The following MAP4K3 variants were observed in gnomAD, a reference collection of about 807,000 sequenced individuals.
The protein encoded by MAP4K3 is MAPK/ERK kinase kinase kinase 3.
Under a neutral mutation model 143.5 loss-of-function variants are expected in MAP4K3, and 94 were observed. That is an observed-to-expected ratio of 0.65 (90% confidence interval 0.55 to 0.78). The LOEUF (loss-of-function observed/expected upper bound fraction) is 0.78. MAP4K3 is among the 30% of genes least tolerant of loss of function. The pLI, the probability that MAP4K3 is intolerant of heterozygous loss-of-function variation, is 0.00. For synonymous variants in MAP4K3, 416 were observed against 347.2 expected (o/e 1.20, Z -2.20); for missense variants, 1,077 against 1,068.1 (o/e 1.01, Z -0.12).
intron 21 of MAP4K3, 69 bp from the exon 22 acceptor site, chr2:39,282,623 A>C: frequency 9.8e-7 from 1 of 1,020,412 alleles, no homozygotes; most frequent in Non-Finnish European, 1.5e-6. Context: ...CTGTATTTCA[A>C]ACACATTTAT....
intron 1 of MAP4K3, among the ~76,000 whole-genome samples, chr2:39,394,596 C>T (rs532214094): frequency 3.3e-4 from 50 of 152,200 alleles, no homozygotes; most frequent in African/African-American, 1.2e-3. Context: ...CCATTCCTCT[C>T]CACAGAGACG....
At chr2:39,371,087 A>G (rs2148571779) in intron 2 of MAP4K3, among the ~76,000 whole-genome samples, 1 of 152,354 alleles carries the variant, frequency 6.6e-6, no homozygotes, top group South Asian at 2.1e-4. Flanking sequence ...GACCACAGGA[A>G]CAAACCCGTC....
chr2:39,275,024 C>G, intron 24 of MAP4K3, among the ~76,000 whole-genome samples: 1 of 152,184 alleles, frequency 6.6e-6, no homozygotes, highest in Non-Finnish European at 1.5e-5. Context: ...TCAGGCTCCA[C>G]ATATACTAAT....
At chr2:39,313,586 A>G (rs1683015076) in intron 13 of MAP4K3, among the ~76,000 whole-genome samples, 1 of 151,866 alleles carries the variant, frequency 6.6e-6, no homozygotes, top group Non-Finnish European at 1.5e-5. Context: ...ATCTCAGCTC[A>G]CTGCAGCCCT....
chr2:39,252,886 A>G (rs1399944611), intron 32 of MAP4K3, among the ~76,000 whole-genome samples: 1 of 152,196 alleles, frequency 6.6e-6, no homozygotes, highest in Non-Finnish European at 1.5e-5. Context: ...GGGTTTGCCT[A>G]CTAGAAGAAG....
chr2:39,378,729 T>A (rs1309473138), intron 1 of MAP4K3, among the ~76,000 whole-genome samples: 1 of 152,046 alleles, frequency 6.6e-6, no homozygotes, highest in Non-Finnish European at 1.5e-5. Flanking sequence ...GATGGTACAG[T>A]CAAATACATG....
intron 15 of MAP4K3, among the ~76,000 whole-genome samples, chr2:39,303,654 T>C (rs1030002338): frequency 1.3e-5 from 2 of 152,178 alleles, no homozygotes; most frequent in African/African-American, 4.8e-5. Context: ...TTCTCCTGCC[T>C]CAGCCTTCCA....
At chr2:39,345,686 G>C (rs373484279) in intron 3 of MAP4K3, among the ~76,000 whole-genome samples, 1 of 152,008 alleles carries the variant, frequency 6.6e-6, no homozygotes, top group South Asian at 2.1e-4. Flanking sequence ...TTGGGAGGCC[G>C]AGGCGGGCGG....
intron 18 of MAP4K3, among the ~76,000 whole-genome samples, chr2:39,291,888 A>G (rs1573104902): frequency 6.6e-6 from 1 of 152,178 alleles, no homozygotes; most frequent in South Asian, 2.1e-4. Flanking sequence ...CAAAAGAAAG[A>G]AAGAAAAAAT....
intron 3 of MAP4K3, among the ~76,000 whole-genome samples, chr2:39,346,617 C>T (rs948870155): frequency 4.6e-5 from 7 of 152,156 alleles, no homozygotes; most frequent in East Asian, 1.9e-4. Flanking sequence ...TCCACTCCTG[C>T]TCCCAACCCC....
At chr2:39,289,622 G>C (rs1486201056) in intron 19 of MAP4K3, among the ~76,000 whole-genome samples, 1 of 152,168 alleles carries the variant, frequency 6.6e-6, no homozygotes, top group African/African-American at 2.4e-5. Flanking sequence ...AAATATCTAT[G>C]ATGATAAATT....
intron 15 of MAP4K3, chr2:39,303,210 T>C (rs566021627): frequency 6.0e-6 from 1 of 166,850 alleles, no homozygotes; most frequent in Non-Finnish European, 1.5e-5. Flanking sequence ...AATGAGAAAA[T>C]TATGGCACAA....
intron 1 of MAP4K3, among the ~76,000 whole-genome samples, chr2:39,411,835 A>C (rs545925765): frequency 6.6e-6 from 1 of 152,210 alleles, no homozygotes; most frequent in Non-Finnish European, 1.5e-5. Context: ...TAATGGCTAC[A>C]TATCTACATG....
chr2:39,371,700 C>T (rs531180696), intron 2 of MAP4K3, among the ~76,000 whole-genome samples: 85 of 151,662 alleles, frequency 5.6e-4, no homozygotes, highest in African/African-American at 1.8e-3. Flanking sequence ...AGATATTCCA[C>T]GCCAATGGAA....
At position 39,282,268 on chromosome 2, in the gene MAP4K3, T is replaced by C. The variant is rs535610940; in HGVS notation, c.1629+245A>G. Among the ~76,000 whole-genome samples the C allele has an allele frequency of 9.4e-4, 142 of 151,334 alleles. 1 individual carries two copies. Among genetic ancestry groups the C allele is most frequent in the African/African-American group, 3.1e-3 (127 of 41,280 alleles). On this transcript the variant is annotated intron_variant, in intron 22 of 33. Transcript: ENST00000263881. ...ATCACAGCACTTTGGGAAGCCAAGG[T>C]GGGCAGATCACTTGAGGCCAGGAAT...
chr2:39,304,469 G>C (rs907655060), intron 15 of MAP4K3, among the ~76,000 whole-genome samples: 10 of 152,144 alleles, frequency 6.6e-5, no homozygotes, highest in African/African-American at 2.2e-4. Flanking sequence ...CAAGATTTTA[G>C]AATTGATAAA....
intron 3 of MAP4K3, among the ~76,000 whole-genome samples, chr2:39,353,733 TAGTAGC>T (rs1665523719): frequency 6.6e-6 from 1 of 151,626 alleles, no homozygotes; most frequent in African/African-American, 2.4e-5. Flanking sequence ...GAAGTAGTAG[TAGTAGC>T]AGCAGCAGCA....
intron 4 of MAP4K3, among the ~76,000 whole-genome samples, chr2:39,341,057 T>C (rs1161883426): frequency 6.6e-6 from 1 of 152,004 alleles, no homozygotes; most frequent in Non-Finnish European, 1.5e-5. Flanking sequence ...AGAGCAAAAT[T>C]CACAGAGGTA....
intron 1 of MAP4K3, among the ~76,000 whole-genome samples, chr2:39,434,395 C>G (rs892880452): frequency 6.6e-6 from 1 of 152,110 alleles, no homozygotes; most frequent in African/African-American, 2.4e-5. Context: ...CATGAAGTTT[C>G]TCTGCTTTGG....
Sources: gnomAD v4.1 joint callset for allele counts (sites outside exome capture counted in the v4.1 genomes callset) on GRCh38, gnomAD v4.1.1 for gene constraint, MANE v1.5 for transcripts, NCBI Gene and HGNC (gene_info 2026-07-23, HGNC 2026-07-21) for gene names.